The following TRIP13 variants were observed in gnomAD, a reference collection of about 807,000 sequenced individuals.
The protein encoded by TRIP13 is thyroid hormone receptor interactor 13.
In TRIP13, 25 loss-of-function variants were observed where a neutral mutation model predicts 54.4. The observed-to-expected ratio is 0.46, with a 90% CI of 0.33 to 0.64. The LOEUF is 0.64. TRIP13 is among the 30% of genes least tolerant of loss of function. The pLI, the probability that TRIP13 is intolerant of heterozygous loss-of-function variation, is 0.02. For synonymous variants in TRIP13, 207 were observed against 207.8 expected (o/e 1.00, Z 0.03); for missense variants, 373 against 534.2 (o/e 0.70, Z 2.97).
rs1754278551 is a variant in TRIP13, at chr5:913,271, T to G, written c.1021-1194T>G. The stretch of plus-strand genomic sequence containing the variant: ...GTGTGACGTTTATACACTTGTACAC[T>G]CGTGCTGTGAATCCAGGGGCTGTTT... On this transcript the variant is annotated intron_variant, in intron 10 of 12. Transcript: ENST00000166345. The surrounding 1 kb of genome is among the most constrained non-coding windows in gnomAD (Gnocchi z 4.5). Among the ~76,000 whole-genome samples, 1 of 152,170 alleles carries G rather than the reference T, an allele frequency of 6.6e-6. No individual in the cohort carries two copies. Among genetic ancestry groups the G allele is most frequent in the Admixed American group, 6.5e-5 (1 of 15,280 alleles).
chr5:918,737 T>TG (rs1754379751), downstream of TRIP13, among the ~76,000 whole-genome samples: 3 of 152,142 alleles, frequency 2.0e-5, no homozygotes, highest in Non-Finnish European at 4.4e-5. This position sits in a 1 kb window ranked among gnomAD's most constrained non-coding sequence, Gnocchi z 4.3. Flanking sequence ...CTGAAGAACT[T>TG]GGAGTCCGAT....
intron 3 of TRIP13, among the ~76,000 whole-genome samples, chr5:897,184 G>T (rs1184075760): frequency 2.7e-5 from 4 of 150,464 alleles, no homozygotes; most frequent in African/African-American, 9.8e-5. Context: ...ATTTGGATGG[G>T]CTCTAGCAGG....
At position 908,460 on chromosome 5, in the gene TRIP13, AG is replaced by A. The variant is rs1754162860; in HGVS notation, c.866+1del. On this transcript the variant is annotated frameshift_variant and splice_region_variant, in exon 9 of 13. Transcript: ENST00000166345. LOFTEE classifies it high-confidence loss of function. This position sits in a 1 kb window ranked among gnomAD's most constrained non-coding sequence, Gnocchi z 5.2. Reference sequence around the variant, plus strand: ...CTTGACCCAAATTGATCAGATTAAAAGGTAACCAGGACATGCAGCAATTTTC... The same window carrying A: ...CTTGACCCAAATTGATCAGATTAAAAGTAACCAGGACATGCAGCAATTTTC... ...AVLTQIDQIK[R>X]HSNVVILTTS... is the part of the protein sequence containing the mutation. 6.2e-7 allele frequency: 1 copy of A among 1,613,534 alleles called. No individual in the cohort carries two copies.
chr5:908,826 CG>C lies in TRIP13; in HGVS notation c.866+368del. On this transcript the variant is annotated intron_variant, in intron 9 of 12. Transcript: ENST00000166345. This position sits in a 1 kb window ranked among gnomAD's most constrained non-coding sequence, Gnocchi z 5.2. ...ACAAAAAATTAGCTGGGCATGATGG[CG>C]GGCGCCTGTAGTCCCAGCTACTCTG... 1 of 322,974 alleles carries C rather than the reference CG, an allele frequency of 3.1e-6. No homozygotes were observed. Among genetic ancestry groups the C allele is most frequent in the Non-Finnish European group, 5.1e-6 (1 of 195,998 alleles). 20.0% of individuals were successfully genotyped at this position (322,974 alleles called of 1,614,324 possible). A position where few individuals can be genotyped will look rare whatever the true frequency, so the allele number is the denominator to read the frequency against.
chr5:903,934 C>T (rs760907269), intron 5 of TRIP13, among the ~76,000 whole-genome samples: 3 of 152,024 alleles, frequency 2.0e-5, no homozygotes, highest in South Asian at 4.1e-4. Context: ...ACCAGAAATA[C>T]GAAGTTGAGT....
Position 914,729 on chromosome 5 carries a change from G to GT in TRIP13, c.1133+153dup. The GT allele has an allele frequency of 4.8e-6, 3 of 627,904 alleles. No homozygotes were observed. The Admixed American group carries it at 7.3e-5, about 15-fold the overall frequency. 38.9% of individuals were successfully genotyped at this position (627,904 alleles called of 1,614,324 possible). Reference sequence around the variant, plus strand: ...AACATGCATGTACACACGTGTGTGTGTGTGTGTGTGTGCATGTGAGTAGAA... The same window carrying GT: ...AACATGCATGTACACACGTGTGTGTGTTGTGTGTGTGTGCATGTGAGTAGAA... On this transcript the variant is annotated intron_variant, in intron 11 of 12. Transcript: ENST00000166345.
Position 908,264 on chromosome 5 carries a change from CT to C in TRIP13, c.760-86del, listed in dbSNP as rs1754158912. On this transcript the variant is annotated intron_variant, in intron 8 of 12. Coordinates refer to ENST00000166345, the MANE Select transcript of TRIP13 (RefSeq NM_004237.4). This position sits in a 1 kb window ranked among gnomAD's most constrained non-coding sequence, Gnocchi z 5.2. ...GGCACGGGAACACCCATTCATTCAT[CT>C]TTTTCACGTGCTCAGCGGGACGTAT... 1.3e-6 allele frequency: 2 copies of C among 1,496,674 alleles called. No individual in the cohort carries two copies. Among genetic ancestry groups the C allele is most frequent in the Non-Finnish European group, 9.2e-7 (1 of 1,086,206 alleles). 92.7% of individuals were successfully genotyped at this position (1,496,674 alleles called of 1,614,324 possible). A position where few individuals can be genotyped will look rare whatever the true frequency, so the allele number is the denominator to read the frequency against.
chr5:893,073 G>A lies in TRIP13; in HGVS notation c.75G>A (p.Val25=). The part of the protein sequence containing the change: ...VAESPTVHVE[V]HQRGSSTAKK... ...AGTCGCCAACGGTCCACGTGGAGGTGCATCAGCGCGGCAGCAGGTGAGCCG... is the reference window on the plus strand; with the variant it reads ...AGTCGCCAACGGTCCACGTGGAGGTACATCAGCGCGGCAGCAGGTGAGCCG... Residue 25 remains valine (V), a synonymous_variant, in exon 1 of 13, where the codon GTG becomes GTA. Coordinates refer to ENST00000166345, the MANE Select transcript of TRIP13 (RefSeq NM_004237.4). 1 of 1,596,668 alleles carries A rather than the reference G, an allele frequency of 6.3e-7. No homozygotes were observed.
chr5:896,321 A>G (rs1753913097), intron 2 of TRIP13, among the ~76,000 whole-genome samples: 1 of 152,216 alleles, frequency 6.6e-6, no homozygotes, highest in African/African-American at 2.4e-5. Context: ...TGCAAAAAAT[A>G]AGTTAATTAA....
chr5:901,497 C>A, intron 5 of TRIP13, 66 bp downstream of exon 5: 1 of 1,493,040 alleles, frequency 6.7e-7, no homozygotes, highest in Admixed American at 1.8e-5. Context: ...CTTGTACCTT[C>A]GTCCTTCTGC....
Position 912,466 on chromosome 5 carries a change from C to CT in TRIP13, c.1020+471dup, listed in dbSNP as rs1431908696. On this transcript the variant is annotated intron_variant, in intron 10 of 12. Transcript: ENST00000166345. This position sits in a 1 kb window ranked among gnomAD's most constrained non-coding sequence, Gnocchi z 7.2. ...CCTGTTGTGATGATAGGCAGGAACA[C>CT]TGTTGCCGTGGGCAGAGCGACGCGT... Among the ~76,000 whole-genome samples, 4 of 152,114 alleles carry CT rather than the reference C, an allele frequency of 2.6e-5. No homozygotes were observed. The highest frequency in any genetic ancestry group is 2.6e-4 in the Admixed American group (4 of 15,284).
intron 2 of TRIP13, among the ~76,000 whole-genome samples, chr5:895,977 A>G (rs551478734): frequency 6.6e-6 from 1 of 152,368 alleles, no homozygotes; most frequent in East Asian, 1.9e-4. Context: ...CTATCTACCA[A>G]TGTAAACATT....
At chr5:914,110 G>A (rs1010324830) in intron 10 of TRIP13, among the ~76,000 whole-genome samples, 4 of 152,148 alleles carry the variant, frequency 2.6e-5, no homozygotes, top group East Asian at 1.9e-4. Context: ...GGGTTTTGAC[G>A]TCTCCGAAGG....
At chr5:902,861 G>A (rs1209321697) in intron 5 of TRIP13, among the ~76,000 whole-genome samples, 1 of 152,182 alleles carries the variant, frequency 6.6e-6, no homozygotes, top group Admixed American at 6.5e-5. Context: ...ACCCTTCCCT[G>A]CCTGGCAGCT....
At chr5:901,193 C>T (rs1310917783) in intron 4 of TRIP13, 148 bp from the exon 5 acceptor site, 1 of 557,400 alleles carries the variant, frequency 1.8e-6, no homozygotes, top group East Asian at 3.0e-5. Flanking sequence ...GAAATGAAAG[C>T]GTTTGGAGGT....
Position 896,811 on chromosome 5 carries a change from G to A in TRIP13, c.388+17G>A. ...TACCTGCAGGTATGGGGTGTGATGG[G>A]AGTTGAAGGGGAGGCTGAGGTCAGA... On this transcript the variant is annotated intron_variant, in intron 3 of 12. Coordinates refer to ENST00000166345, the MANE Select transcript of TRIP13 (RefSeq NM_004237.4). The A allele has an allele frequency of 5.6e-6, 9 of 1,611,264 alleles. No homozygotes were observed. The highest frequency in any genetic ancestry group is 7.6e-6 in the Non-Finnish European group (9 of 1,178,352).
At position 908,282 on chromosome 5, in the gene TRIP13, G is replaced by A. The variant is rs962792662; in HGVS notation, c.760-73G>A. The A allele has an allele frequency of 4.7e-5, 72 of 1,537,118 alleles. No homozygotes were observed. Among genetic ancestry groups the A allele is most frequent in the Admixed American group, 4.2e-4 (25 of 59,514 alleles). On this transcript the variant is annotated intron_variant, in intron 8 of 12. Transcript: ENST00000166345. The surrounding 1 kb of genome is among the most constrained non-coding windows in gnomAD (Gnocchi z 5.2). ...CATTCATCTTTTTCACGTGCTCAGCGGGACGTATCCCCATAGCTGCCTGTG... is the reference window on the plus strand; with the variant it reads ...CATTCATCTTTTTCACGTGCTCAGCAGGACGTATCCCCATAGCTGCCTGTG...
At position 917,234 on chromosome 5, in the gene TRIP13, C is replaced by A; in HGVS notation, c.*131C>A. On this transcript the variant is annotated 3_prime_UTR_variant, in exon 13 of 13. Coordinates refer to ENST00000166345, the MANE Select transcript of TRIP13 (RefSeq NM_004237.4). ...GTTACTTAGACTGCAAGCTAGAAAG[C>A]CACCAAGGCCAGGCTTTGTTAAAAG... is the stretch of plus-strand genomic sequence containing the variant. 2.7e-6 allele frequency: 2 copies of A among 747,128 alleles called. No individual in the cohort carries two copies. The highest frequency in any genetic ancestry group is 2.1e-6 in the Non-Finnish European group (1 of 466,494). The allele number at this position is 747,128 out of a possible 1,614,324, so 46.3% of individuals were successfully genotyped here. A position where few individuals can be genotyped will look rare whatever the true frequency, so the allele number is the denominator to read the frequency against.
chr5:893,225 C>T, intron 1 of TRIP13, 135 bp downstream of exon 1: 1 of 903,910 alleles, frequency 1.1e-6, no homozygotes, highest in Non-Finnish European at 1.6e-6. Flanking sequence ...CGACTGGACC[C>T]GGGCGCACAG....
Sources: gnomAD v4.1 joint callset for allele counts (sites outside exome capture counted in the v4.1 genomes callset) on GRCh38, gnomAD v4.1.1 for gene constraint, Gnocchi (gnomAD v3.1) non-coding constraint, MANE v1.5 for transcripts, NCBI Gene and HGNC (gene_info 2026-07-23, HGNC 2026-07-21) for gene names.